TAMM41: variants seen among roughly 807,000 people sequenced by gnomAD.
TAMM41 encodes the protein TAM41 mitochondrial translocator assembly and maintenance homolog, also known as phosphatidate cytidylyltransferase, mitochondrial.
Under a neutral mutation model 44.1 loss-of-function variants are expected in TAMM41, and 36 were observed. That is an observed-to-expected ratio of 0.82 (90% CI 0.63 to 1.08). The LOEUF (loss-of-function observed/expected upper bound fraction) is 1.08, where lower values mean the gene tolerates loss of function less well. Ranked by LOEUF, TAMM41 falls within the 50% of genes least tolerant of loss-of-function variation. TAMM41 has a pLI of 0.00. For missense variants in TAMM41, 417 were observed against 404.3 expected, an observed-to-expected ratio of 1.03 and a Z score of -0.27; for synonymous variants, 164 against 153.1, an observed-to-expected ratio of 1.07 and a Z score of -0.53.
Position 11,824,270 on chromosome 3 carries a change from A to C in TAMM41, c.562+5444T>G, listed in dbSNP as rs566247404. On this transcript the variant is annotated intron_variant, in intron 4 of 7. Transcript: ENST00000455809. ...CAGTGGCATGATCTCAGCTCACTGC[A>C]ACCTCTGCTTCCTGGGTTCAAGCTA... Among the ~76,000 whole-genome samples the C allele has an allele frequency of 2.0e-5, 3 of 151,820 alleles. No individual in the cohort carries two copies. The South Asian group carries it at 6.3e-4, about 32-fold the overall frequency.
At chr3:11,783,747 C>T in the TAMM41 span, among the ~76,000 whole-genome samples, 1 of 152,138 alleles carries the variant, frequency 6.6e-6, no homozygotes, top group African/African-American at 2.4e-5. Flanking sequence ...AAACACCTGC[C>T]CATGATGACT....
chr3:11,833,926 G>C lies in TAMM41; in HGVS notation c.412-4062C>G, dbSNP rs372439806. Among the ~76,000 whole-genome samples, 8 of 152,214 alleles carry C rather than the reference G, an allele frequency of 5.3e-5. No individual in the cohort carries two copies. In the South Asian group the frequency reaches 6.2e-4, roughly 12 times the overall value. On this transcript the variant is annotated intron_variant, in intron 3 of 7. Coordinates refer to ENST00000455809, the MANE Select transcript of TAMM41 (RefSeq NM_001284401.2). ...TAAATGGTTGAGCTGTGTGGTATGC[G>C]AATTTTATCTCAATAAAGCTGTTAT...
At chr3:11,807,952 C>G in intron 6 of TAMM41, 57 bp from the exon 7 acceptor site, 1 of 1,468,336 alleles carries the variant, frequency 6.8e-7, no homozygotes, top group East Asian at 2.5e-5. Flanking sequence ...TGTTAGTCAT[C>G]TTAACAGTTT....
chr3:11,805,014 T>G (rs2077863915), intron 7 of TAMM41, among the ~76,000 whole-genome samples: 1 of 141,720 alleles, frequency 7.1e-6, no homozygotes, highest in African/African-American at 2.6e-5. Flanking sequence ...TTTTTTTTTT[T>G]TTTTTTTTTT....
the TAMM41 span, among the ~76,000 whole-genome samples, chr3:11,767,626 A>ATTTTCTTTTTTTTTTTTT: frequency 1.6e-5 from 1 of 60,692 alleles, no homozygotes; most frequent in South Asian, 7.1e-4. Context: ...CACGTTGTGC[A>ATTTTCTTTTTTTTTTTTT]TTTTTTTTTT....
At chr3:11,749,188 C>T in the TAMM41 span, among the ~76,000 whole-genome samples, 3 of 152,306 alleles carry the variant, frequency 2.0e-5, no homozygotes, top group South Asian at 2.1e-4. Flanking sequence ...GCTGGGATTA[C>T]AGGCATGAGC....
chr3:11,833,045 G>C (rs2079044229), intron 3 of TAMM41: 4 of 1,214,574 alleles, frequency 3.3e-6, no homozygotes, highest in Non-Finnish European at 4.2e-6. Flanking sequence ...CTACTGTGCT[G>C]ATCTGGTTCT....
intron 4 of TAMM41, among the ~76,000 whole-genome samples, chr3:11,823,660 CTTTT>C (rs34657936): frequency 8.2e-6 from 1 of 122,396 alleles, no homozygotes; most frequent in Non-Finnish European, 1.7e-5. Context: ...TGCCTTTTTA[CTTTT>C]TTTTTTTTTT....
At chr3:11,845,969 C>T (rs1009806104) in intron 1 of TAMM41, among the ~76,000 whole-genome samples, 1 of 152,236 alleles carries the variant, frequency 6.6e-6, no homozygotes, top group African/African-American at 2.4e-5. Flanking sequence ...GGCCCTACAA[C>T]CAGTCCGCCA....
chr3:11,750,759 A>G, the TAMM41 span, among the ~76,000 whole-genome samples: 4 of 152,158 alleles, frequency 2.6e-5, no homozygotes, highest in Non-Finnish European at 5.9e-5. Flanking sequence ...GTCTATCCTC[A>G]ACTCACCAGG....
chr3:11,816,934 C>CA (rs924924682), intron 5 of TAMM41: 32 of 404,482 alleles, frequency 7.9e-5, no homozygotes, highest in African/African-American at 1.6e-4. Context: ...TTTCCAATGG[C>CA]AAAAAAGATA....
At chr3:11,785,647 C>T (rs1194995257), downstream of TAMM41, among the ~76,000 whole-genome samples, 2 of 150,728 alleles carry the variant, frequency 1.3e-5, no homozygotes, top group African/African-American at 2.4e-5. Flanking sequence ...CAGAGTCTCG[C>T]TCTCTCACCC....
chr3:11,806,901 A>G (rs1304701489), intron 7 of TAMM41, among the ~76,000 whole-genome samples: 3 of 152,250 alleles, frequency 2.0e-5, no homozygotes, highest in Non-Finnish European at 4.4e-5. Flanking sequence ...GACATAGACA[A>G]CAATCCTAGA....
the TAMM41 span, among the ~76,000 whole-genome samples, chr3:11,767,695 A>G: frequency 1.6e-5 from 2 of 128,276 alleles, no homozygotes; most frequent in Admixed American, 8.9e-5. Flanking sequence ...GTGCAATCTA[A>G]GCTCACTGCA....
At chr3:11,742,185 C>A in the TAMM41 span, among the ~76,000 whole-genome samples, 1 of 150,088 alleles carries the variant, frequency 6.7e-6, no homozygotes, top group Non-Finnish European at 1.5e-5. Context: ...ATTTCCATCA[C>A]CACAAAAATC....
intron 1 of TAMM41, 48 bp from the exon 2 acceptor site, chr3:11,844,259 G>C (rs752698503): frequency 1.3e-6 from 2 of 1,570,812 alleles, no homozygotes; most frequent in Non-Finnish European, 1.7e-6. Flanking sequence ...TTCCTAGAAA[G>C]GCAGCAAGAG....
At chr3:11,834,374 G>A (rs1170492929) in intron 3 of TAMM41, among the ~76,000 whole-genome samples, 1 of 151,908 alleles carries the variant, frequency 6.6e-6, no homozygotes, top group Non-Finnish European at 1.5e-5. Context: ...AAAAACTCAA[G>A]CACAATTATT....
the TAMM41 span, among the ~76,000 whole-genome samples, chr3:11,766,473 A>C: frequency 6.6e-6 from 1 of 152,010 alleles, no homozygotes; most frequent in Admixed American, 6.6e-5. Flanking sequence ...TAGCTGGGAA[A>C]TTCTTATTTT....
At chr3:11,737,958 C>T in the TAMM41 span, among the ~76,000 whole-genome samples, 1 of 152,184 alleles carries the variant, frequency 6.6e-6, no homozygotes, top group African/African-American at 2.4e-5. Context: ...ACTTCATTCA[C>T]ACCACACGTT....
Sources: allele counts gnomAD v4.1 joint callset (sites outside exome capture counted in the v4.1 genomes callset), GRCh38; gene constraint gnomAD v4.1.1; transcripts MANE v1.5; gene names NCBI Gene and HGNC (gene_info 2026-07-23, HGNC 2026-07-21).